The following CNTLN variants were observed in gnomAD, a reference collection of about 807,000 sequenced individuals.
CNTLN encodes the protein centlein, also known as centlein, centrosomal protein.
CNTLN carries 212 observed loss-of-function variants against 180.0 expected under a neutral mutation model. The observed-to-expected ratio is 1.18, with a 90% CI of 1.05 to 1.32. CNTLN has a LOEUF of 1.32. Among genes scored for constraint, CNTLN ranks in the 40% most tolerant of loss-of-function variants. The pLI is 0.00. For missense variants in CNTLN, 2,095 were observed against 1,610.9 expected, an observed-to-expected ratio of 1.30 and a Z score of -5.14; for synonymous variants, 722 against 563.1, an observed-to-expected ratio of 1.28 and a Z score of -3.99.
At chr9:17,452,853 A>G (rs13302039) in intron 18 of CNTLN, among the ~76,000 whole-genome samples, 2 of 152,182 alleles carry the variant, frequency 1.3e-5, no homozygotes, top group Non-Finnish European at 2.9e-5. Flanking sequence ...TACCCTATTC[A>G]TGGGATCCTA....
chr9:17,312,342 T>TTTATATATATATATATATATATATA (rs1819192562), intron 8 of CNTLN, among the ~76,000 whole-genome samples: 1 of 11,568 alleles, frequency 8.6e-5, no homozygotes, highest in African/African-American at 1.7e-4. Context: ...GATTACTGTA[T>TTTATATATATATATATATATATATA]TTATATATAT....
chr9:17,319,905 G>C (rs996616902), intron 8 of CNTLN, among the ~76,000 whole-genome samples: 5 of 152,064 alleles, frequency 3.3e-5, no homozygotes, highest in African/African-American at 9.7e-5. Context: ...AAAGCTAATT[G>C]GTTCATAGGG....
At chr9:17,423,132 G>A (rs1451268088) in intron 18 of CNTLN, among the ~76,000 whole-genome samples, 1 of 152,196 alleles carries the variant, frequency 6.6e-6, no homozygotes, top group South Asian at 2.1e-4. Context: ...GAGTCACTTC[G>A]ATGTCCACCA....
chr9:17,439,070 G>A (rs1234006243), intron 18 of CNTLN, among the ~76,000 whole-genome samples: 9 of 152,140 alleles, frequency 5.9e-5, no homozygotes, highest in African/African-American at 1.9e-4. Context: ...AGAGGAATTG[G>A]AGGATATAAT....
intron 2 of CNTLN, among the ~76,000 whole-genome samples, chr9:17,151,211 C>T (rs1255935381): frequency 6.6e-6 from 1 of 152,116 alleles, no homozygotes; most frequent in African/African-American, 2.4e-5. Context: ...GAGAGGGCAT[C>T]CTTGTCTTAT....
chr9:17,305,566 A>G (rs1053546753), intron 7 of CNTLN, among the ~76,000 whole-genome samples: 1 of 151,952 alleles, frequency 6.6e-6, no homozygotes, highest in African/African-American at 2.4e-5. Context: ...AATGAGAATA[A>G]GATGGAATCT....
chr9:17,401,100 G>A (rs1381592556), intron 15 of CNTLN, among the ~76,000 whole-genome samples: 1 of 152,084 alleles, frequency 6.6e-6, no homozygotes, highest in Non-Finnish European at 1.5e-5. Context: ...TCTGAAAATA[G>A]CAATCTTGCT....
At chr9:17,157,272 A>G (rs1819361795) in intron 2 of CNTLN, among the ~76,000 whole-genome samples, 1 of 152,218 alleles carries the variant, frequency 6.6e-6, no homozygotes, top group Admixed American at 6.5e-5. Flanking sequence ...ATAACAATCA[A>G]TACGTACCAA....
At chr9:17,337,910 G>T (rs188780189) in intron 10 of CNTLN, among the ~76,000 whole-genome samples, 1 of 152,144 alleles carries the variant, frequency 6.6e-6, no homozygotes, top group East Asian at 1.9e-4. Flanking sequence ...AAAAACTTTA[G>T]TCATTCCCCA....
the CNTLN span, among the ~76,000 whole-genome samples, chr9:17,518,689 T>A: frequency 6.6e-6 from 1 of 152,156 alleles, no homozygotes; most frequent in Non-Finnish European, 1.5e-5. Context: ...TGTGACTTGT[T>A]TTAGGCAATG....
intron 16 of CNTLN, among the ~76,000 whole-genome samples, chr9:17,414,845 T>C (rs1168467818): frequency 6.6e-6 from 1 of 152,182 alleles, no homozygotes; most frequent in Non-Finnish European, 1.5e-5. Context: ...ATCCCAACAC[T>C]TTTGGAGGCC....
chr9:17,300,213 C>G (rs991190388), intron 7 of CNTLN: 1 of 152,084 alleles, frequency 6.6e-6, no homozygotes, highest in Admixed American at 6.5e-5. Context: ...CTGAAATGCT[C>G]CAATGAGCAT....
chr9:17,313,731 T>G (rs1374692002), intron 8 of CNTLN, among the ~76,000 whole-genome samples: 1 of 152,240 alleles, frequency 6.6e-6, no homozygotes, highest in Non-Finnish European at 1.5e-5. Flanking sequence ...TCTTTTCTCC[T>G]TTTGAGATTA....
intron 5 of CNTLN, among the ~76,000 whole-genome samples, chr9:17,251,396 C>A (rs1563921539): frequency 6.6e-6 from 1 of 151,826 alleles, no homozygotes; most frequent in African/African-American, 2.4e-5. Context: ...GTGTGTTGGT[C>A]TGCTTGGTGG....
rs549834782 is a variant in CNTLN, at chr9:17,450,084, G to A, written c.3115-7440G>A. On this transcript the variant is annotated intron_variant, in intron 18 of 25. Transcript: ENST00000380647. ...CTCCTTGTAAATGTTATTGAGAGTAGCGTATCTCTTATCCATATGCAGATA... is the reference window on the plus strand; with the variant it reads ...CTCCTTGTAAATGTTATTGAGAGTAACGTATCTCTTATCCATATGCAGATA... Among the ~76,000 whole-genome samples, 12 of 152,312 alleles carry A rather than the reference G, an allele frequency of 7.9e-5. 1 individual carries two copies. The South Asian group carries it at 2.5e-3, about 32-fold the overall frequency.
chr9:17,391,460 G>A (rs1436037760), intron 14 of CNTLN, among the ~76,000 whole-genome samples: 2 of 152,116 alleles, frequency 1.3e-5, no homozygotes, highest in Non-Finnish European at 2.9e-5. Flanking sequence ...TGCTTCTGAG[G>A]CACTTCCAGT....
In CNTLN at chr9:17,484,332, T is replaced by G; in HGVS notation, c.3893T>G (p.Val1298Gly). 1 of 1,608,514 alleles carries G rather than the reference T, an allele frequency of 6.2e-7. No individual in the cohort carries two copies. The change falls in exon 24 of 26, where the codon GTA becomes GGA. Residue 1298 changes from valine to glycine, a missense_variant. Transcript: ENST00000380647. ...GAGTTGCAAAATGATGTCCATGTGG[T>G]AAGGCGACAAATAAGAGAGCTTAAA... ...AKELQNDVHV[V>G]RRQIRELKKM...
intron 23 of CNTLN, among the ~76,000 whole-genome samples, chr9:17,478,759 G>A (rs114344525): frequency 3.3e-5 from 5 of 152,044 alleles, no homozygotes; most frequent in African/African-American, 7.2e-5. Flanking sequence ...TCCTTTCACC[G>A]TTATATATCA....
At chr9:17,295,936 TAATAA>T (rs1817872204) in intron 6 of CNTLN, among the ~76,000 whole-genome samples, 1 of 147,754 alleles carries the variant, frequency 6.8e-6, no homozygotes, top group Non-Finnish European at 1.5e-5. Context: ...TTGCAAAGAG[TAATAA>T]TAGTATGAGC....
Sources: allele counts gnomAD v4.1 joint callset (sites outside exome capture counted in the v4.1 genomes callset), GRCh38; gene constraint gnomAD v4.1.1; transcripts MANE v1.5; gene names NCBI Gene and HGNC (gene_info 2026-07-23, HGNC 2026-07-21).